Variants in CBFA2T3 observed in about 807,000 individuals in gnomAD.
CBFA2T3 encodes the protein CBFA2/RUNX1 partner transcriptional co-repressor 3, also known as transcriptional corepressor CBFA2T3.
Under a neutral mutation model 58.6 loss-of-function variants are expected in CBFA2T3, and 31 were observed. The ratio of observed to expected loss-of-function variants is 0.53; its 90% confidence interval spans 0.40 to 0.71. The LOEUF is 0.71. Among genes scored for constraint, CBFA2T3 ranks in the 30% least tolerant of loss-of-function variants. The pLI is 0.00. For synonymous variants in CBFA2T3, 531 were observed against 421.9 expected, an observed-to-expected ratio of 1.26 and a Z score of -3.17; for missense variants, 1,076 against 963.1, an observed-to-expected ratio of 1.12 and a Z score of -1.55.
At chr16:88,965,088 T>TATCC (rs1192246574) in intron 1 of CBFA2T3, among the ~76,000 whole-genome samples, 2,432 of 132,728 alleles carry the variant, frequency 0.018, 50 homozygotes, top group African/African-American at 0.052. Flanking sequence ...CCCACCCATC[T>TATCC]ATCCATCCAT....
chr16:88,903,735 G>A (rs1044614215), intron 1 of CBFA2T3, among the ~76,000 whole-genome samples: 1 of 150,922 alleles, frequency 6.6e-6, no homozygotes. Flanking sequence ...AGACCAGGCT[G>A]CCCTTGGGCC....
At chr16:88,943,867 T>C (rs1291150591) in intron 1 of CBFA2T3, among the ~76,000 whole-genome samples, 1 of 152,148 alleles carries the variant, frequency 6.6e-6, no homozygotes, top group Non-Finnish European at 1.5e-5. Flanking sequence ...GTCTGCAGTC[T>C]GTCCGACAAG....
intron 1 of CBFA2T3, among the ~76,000 whole-genome samples, chr16:88,960,318 T>G (rs2142861594): frequency 6.6e-6 from 1 of 152,314 alleles, no homozygotes; most frequent in South Asian, 2.1e-4. Context: ...TCTGCTGAAC[T>G]CACGGGGCCA....
At chr16:88,948,303 C>T (rs937560719) in intron 1 of CBFA2T3, among the ~76,000 whole-genome samples, 1 of 152,344 alleles carries the variant, frequency 6.6e-6, no homozygotes, top group East Asian at 1.9e-4. Context: ...GAGACACATT[C>T]GTGGCGAGTG....
chr16:88,875,922 G>A lies in CBFA2T3; in HGVS notation c.*1054C>T, dbSNP rs141356909. On this transcript the variant is annotated 3_prime_UTR_variant, in exon 12 of 12. Coordinates refer to ENST00000268679, the MANE Select transcript of CBFA2T3 (RefSeq NM_005187.6). ...ACGCAGGCCGGAGCAACGGCACACG[G>A]ACCACGCACACGCGGCGGACGCACC... 2.9e-3 allele frequency: 665 copies of A among 233,326 alleles called. 3 individuals carry two copies. Among genetic ancestry groups the A allele is most frequent in the African/African-American group, 0.013 (595 of 45,422 alleles). 14.5% of individuals were successfully genotyped at this position (233,326 alleles called of 1,614,324 possible).
At chr16:88,945,188 T>G (rs1401538701) in intron 1 of CBFA2T3, among the ~76,000 whole-genome samples, 3 of 152,188 alleles carry the variant, frequency 2.0e-5, no homozygotes, top group African/African-American at 7.2e-5. Flanking sequence ...GCCACTGTCG[T>G]TCATTAAAAA....
At chr16:88,917,435 C>T (rs1418180301) in intron 1 of CBFA2T3, among the ~76,000 whole-genome samples, 3 of 152,188 alleles carry the variant, frequency 2.0e-5, no homozygotes, top group African/African-American at 2.4e-5. Flanking sequence ...GACCCTCCCA[C>T]GTGCAGGGCC....
Position 88,932,628 on chromosome 16 carries a change from T to C in CBFA2T3, c.152-30972A>G, listed in dbSNP as rs190516063. Among the ~76,000 whole-genome samples the C allele has an allele frequency of 2.0e-4, 29 of 147,516 alleles. 1 individual carries two copies. The East Asian group carries it at 5.9e-3, about 30-fold the overall frequency. Reference sequence around the variant, plus strand: ...CACCACTGCATTCCAGCCTGAGCGATAGAGGGAGACCCCGACTATAAGTAA... The same window carrying C: ...CACCACTGCATTCCAGCCTGAGCGACAGAGGGAGACCCCGACTATAAGTAA... On this transcript the variant is annotated intron_variant, in intron 1 of 11. Coordinates refer to ENST00000268679, the MANE Select transcript of CBFA2T3 (RefSeq NM_005187.6).
chr16:88,923,787 G>A (rs963113845), intron 1 of CBFA2T3, among the ~76,000 whole-genome samples: 2 of 152,200 alleles, frequency 1.3e-5, no homozygotes, highest in African/African-American at 2.4e-5. Flanking sequence ...CACCGGCACC[G>A]TCTAGGTTGG....
intron 1 of CBFA2T3, among the ~76,000 whole-genome samples, chr16:88,970,745 C>T (rs531652967): frequency 4.1e-4 from 62 of 152,358 alleles, no homozygotes; most frequent in Middle Eastern, 3.4e-3. Context: ...AATAGACTCA[C>T]GCCTTCCAGG....
At chr16:88,912,836 G>C (rs962561064) in intron 1 of CBFA2T3, among the ~76,000 whole-genome samples, 11 of 152,240 alleles carry the variant, frequency 7.2e-5, no homozygotes, top group Non-Finnish European at 8.8e-5. Flanking sequence ...CCCCTCTGCC[G>C]TGTGAGCCCA....
At chr16:88,894,769 C>T (rs899318923) in intron 3 of CBFA2T3, among the ~76,000 whole-genome samples, 6 of 152,250 alleles carry the variant, frequency 3.9e-5, no homozygotes, top group Admixed American at 6.5e-5. Context: ...CCCTCAGGGC[C>T]GAATTCCTCC....
At position 88,876,624 on chromosome 16, in the gene CBFA2T3, A is replaced by G. The variant is rs1455593335; in HGVS notation, c.*352T>C. ...GGATAGAGAAGACAGAGGGGGAGAG[A>G]CAGACAGAGAGGAAAAGAGAGGTGG... On this transcript the variant is annotated 3_prime_UTR_variant, in exon 12 of 12. Transcript: ENST00000268679. 1.3e-5 allele frequency: 4 copies of G among 301,432 alleles called. No homozygotes were observed. Among genetic ancestry groups the G allele is most frequent in the Non-Finnish European group, 2.4e-5 (4 of 163,856 alleles). The allele number at this position is 301,432 out of a possible 1,614,324, so 18.7% of individuals were successfully genotyped here.
At chr16:88,889,531 G>T (rs57620714) in intron 5 of CBFA2T3, among the ~76,000 whole-genome samples, 5,675 of 151,994 alleles carry the variant, frequency 0.037, 123 homozygotes, top group East Asian at 0.055. Flanking sequence ...TTTGGAATTT[G>T]ACAGACCTAG....
intron 1 of CBFA2T3, among the ~76,000 whole-genome samples, chr16:88,943,413 CA>C (rs771834511): frequency 6.6e-6 from 1 of 152,260 alleles, no homozygotes; most frequent in Non-Finnish European, 1.5e-5. Flanking sequence ...TGAGGAGTGA[CA>C]GACCTGAAGG....
chr16:88,892,153 G>A (rs922929505), intron 4 of CBFA2T3, 91 bp downstream of exon 4: 15 of 1,492,950 alleles, frequency 1.0e-5, no homozygotes, highest in East Asian at 4.5e-5. Context: ...TGTCAGCGTG[G>A]AGCCCATGTA....
chr16:88,907,619 G>A (rs1970382530), intron 1 of CBFA2T3, among the ~76,000 whole-genome samples: 1 of 152,166 alleles, frequency 6.6e-6, no homozygotes, highest in African/African-American at 2.4e-5. Flanking sequence ...GGATCCAGGT[G>A]ACCTGGCCCA....
intron 1 of CBFA2T3, among the ~76,000 whole-genome samples, chr16:88,904,765 G>A (rs1039388563): frequency 6.6e-6 from 1 of 152,186 alleles, no homozygotes; most frequent in Non-Finnish European, 1.5e-5. Flanking sequence ...GGACCTCACG[G>A]GTGTCTGTTG....
chr16:88,901,727 G>T, intron 1 of CBFA2T3, 71 bp from the exon 2 acceptor site: 12 of 1,382,542 alleles, frequency 8.7e-6, no homozygotes, highest in Non-Finnish European at 1.1e-5. Flanking sequence ...GCAGCCCCAC[G>T]GTTCCCAGCG....
Sources: gnomAD v4.1 joint callset for allele counts (sites outside exome capture counted in the v4.1 genomes callset) on GRCh38, gnomAD v4.1.1 for gene constraint, MANE v1.5 for transcripts, NCBI Gene and HGNC (gene_info 2026-07-23, HGNC 2026-07-21) for gene names.